The following DLG2 variants were observed in gnomAD, a reference collection of about 807,000 sequenced individuals.
DLG2 encodes the protein disks large homolog 2.
Under a neutral mutation model 132.5 loss-of-function variants are expected in DLG2, and 45 were observed. The ratio of observed to expected loss-of-function variants is 0.34; its 90% CI spans 0.27 to 0.44. DLG2 has a LOEUF of 0.44. Ranked by LOEUF, DLG2 falls within the 20% of genes least tolerant of loss-of-function variation. The probability of loss-of-function intolerance (pLI) is 1.00; values close to 1 mark genes in which losing one functional copy is unlikely to be tolerated. For synonymous variants in DLG2, 424 were observed against 419.6 expected, an observed-to-expected ratio of 1.01 and a Z score of -0.13; for missense variants, 1,045 against 1,196.9, an observed-to-expected ratio of 0.87 and a Z score of 1.87.
chr11:83,732,221 C>T (rs1216723680), intron 18 of DLG2, among the ~76,000 whole-genome samples: 2 of 151,950 alleles, frequency 1.3e-5, no homozygotes, highest in African/African-American at 2.4e-5. Flanking sequence ...GGAAAAAACT[C>T]GGTTGTGGGC....
intron 3 of DLG2, among the ~76,000 whole-genome samples, chr11:85,450,768 C>T (rs1043981056): frequency 3.9e-5 from 6 of 152,110 alleles, no homozygotes; most frequent in Non-Finnish European, 8.8e-5. Context: ...TTTATTTGGC[C>T]TCTCAGAAGT....
intron 11 of DLG2, among the ~76,000 whole-genome samples, chr11:84,001,316 C>A (rs1227887688): frequency 7.8e-6 from 1 of 128,682 alleles, no homozygotes. Context: ...ATAAAACAGA[C>A]TTCAAGTAAA....
intron 6 of DLG2, among the ~76,000 whole-genome samples, chr11:84,832,831 T>A (rs1203336254): frequency 6.6e-6 from 1 of 151,544 alleles, no homozygotes; most frequent in Non-Finnish European, 1.5e-5. Context: ...GCCCCCAGTT[T>A]GGATTATATC....
intron 6 of DLG2, among the ~76,000 whole-genome samples, chr11:85,041,937 G>A (rs1282473147): frequency 6.6e-6 from 1 of 151,788 alleles, no homozygotes; most frequent in African/African-American, 2.4e-5. Flanking sequence ...TCAGAAGTGA[G>A]GCAGATGGGA....
At chr11:84,421,450 T>TG (rs1469469888) in intron 7 of DLG2, among the ~76,000 whole-genome samples, 4 of 152,194 alleles carry the variant, frequency 2.6e-5, no homozygotes, top group Non-Finnish European at 5.9e-5. Flanking sequence ...CAACAATGTG[T>TG]GTTTTATCAA....
chr11:83,956,838 T>C (rs1357786951), intron 14 of DLG2, among the ~76,000 whole-genome samples: 7 of 152,228 alleles, frequency 4.6e-5, no homozygotes, highest in African/African-American at 1.7e-4. Flanking sequence ...CCTTGAGCCA[T>C]TATTAAGGGA....
intron 6 of DLG2, among the ~76,000 whole-genome samples, chr11:84,580,961 G>C (rs2099514945): frequency 6.6e-6 from 1 of 152,172 alleles, no homozygotes; most frequent in Non-Finnish European, 1.5e-5. Flanking sequence ...AGTTTCAGTA[G>C]TAGAGAGGGT....
At chr11:84,976,199 T>C (rs952943663) in intron 6 of DLG2, among the ~76,000 whole-genome samples, 4 of 152,210 alleles carry the variant, frequency 2.6e-5, no homozygotes, top group Non-Finnish European at 5.9e-5. Context: ...TGTGTGTATC[T>C]TCAAAACTTA....
intron 10 of DLG2, among the ~76,000 whole-genome samples, chr11:84,079,946 T>C (rs1271653236): frequency 2.0e-5 from 3 of 152,174 alleles, no homozygotes; most frequent in South Asian, 2.1e-4. Context: ...TCAGCTTAAA[T>C]ATTAACTCTC....
At chr11:84,746,787 G>T (rs542514441) in intron 6 of DLG2, among the ~76,000 whole-genome samples, 1 of 152,240 alleles carries the variant, frequency 6.6e-6, no homozygotes, top group African/African-American at 2.4e-5. Context: ...ATTCTAAAGA[G>T]TTCGGGCCCA....
intron 18 of DLG2, among the ~76,000 whole-genome samples, chr11:83,703,724 C>T (rs1337590473): frequency 2.6e-5 from 4 of 152,110 alleles, no homozygotes; most frequent in Non-Finnish European, 5.9e-5. Context: ...TCTTGAAAAG[C>T]TTTGGTTTTT....
chr11:85,538,962 C>A (rs952617290), intron 3 of DLG2, among the ~76,000 whole-genome samples: 1 of 151,784 alleles, frequency 6.6e-6, no homozygotes, highest in African/African-American at 2.4e-5. Flanking sequence ...TGTGACAAAC[C>A]TGCATGCCCT....
chr11:85,377,147 T>G (rs961882920), intron 3 of DLG2, among the ~76,000 whole-genome samples: 24 of 152,142 alleles, frequency 1.6e-4, no homozygotes, highest in Non-Finnish European at 3.2e-4. Flanking sequence ...ACAATTCAAC[T>G]CTACCATCTG....
intron 21 of DLG2, among the ~76,000 whole-genome samples, chr11:83,503,300 T>G (rs2094524250): frequency 7.1e-6 from 1 of 140,640 alleles, no homozygotes; most frequent in Non-Finnish European, 1.6e-5. Flanking sequence ...GTTGTATTGG[T>G]CAGAGTTCTC....
rs147203172 is a variant in DLG2, at chr11:84,514,215, A to G, written c.519+20355T>C. On this transcript the variant is annotated intron_variant, in intron 7 of 27. Transcript: ENST00000376104. ...AACGAATGCTGGTGGGGATGTGGAGAAAAGGAAACTGTTGTAAACTGCTGT... is the reference window on the plus strand; with the variant it reads ...AACGAATGCTGGTGGGGATGTGGAGGAAAGGAAACTGTTGTAAACTGCTGT... Among the ~76,000 whole-genome samples the G allele has an allele frequency of 1.0e-3, 154 of 152,208 alleles. 1 individual carries two copies. Among genetic ancestry groups the G allele is most frequent in the African/African-American group, 3.4e-3 (142 of 41,550 alleles).
At chr11:84,179,731 C>T (rs1271498608) in intron 8 of DLG2, among the ~76,000 whole-genome samples, 1 of 152,116 alleles carries the variant, frequency 6.6e-6, no homozygotes, top group Non-Finnish European at 1.5e-5. Flanking sequence ...TTACCAGAGC[C>T]TAACCTGTCG....
At chr11:84,466,159 C>A (rs1361629746) in intron 7 of DLG2, among the ~76,000 whole-genome samples, 2 of 151,128 alleles carry the variant, frequency 1.3e-5, no homozygotes, top group African/African-American at 2.4e-5. Flanking sequence ...ATCAGTACCT[C>A]ACACCATACC....
intron 6 of DLG2, among the ~76,000 whole-genome samples, chr11:85,037,211 A>G (rs2061499677): frequency 6.6e-6 from 1 of 152,258 alleles, no homozygotes; most frequent in East Asian, 1.9e-4. Context: ...ATAAGCAATT[A>G]TATGTCCCAA....
intron 6 of DLG2, among the ~76,000 whole-genome samples, chr11:85,070,653 C>T (rs1274362457): frequency 4.0e-5 from 6 of 151,642 alleles, no homozygotes; most frequent in African/African-American, 1.5e-4. Context: ...GGAAATTGAA[C>T]CCAGGTCTAT....
Sources: allele counts gnomAD v4.1 joint callset (sites outside exome capture counted in the v4.1 genomes callset), GRCh38; gene constraint gnomAD v4.1.1; transcripts MANE v1.5; gene names NCBI Gene and HGNC (gene_info 2026-07-23, HGNC 2026-07-21).